The following ADK variants were observed in gnomAD, a reference collection of about 807,000 sequenced individuals.
ADK encodes the protein N6,N6-dimethyladenosine kinase.
Under a neutral mutation model 44.7 loss-of-function variants are expected in ADK, and 24 were observed. That is an observed-to-expected ratio of 0.54 (90% confidence interval 0.39 to 0.76). The LOEUF (loss-of-function observed/expected upper bound fraction) is 0.76. ADK is among the 30% of genes least tolerant of loss of function. The pLI, the probability that ADK is intolerant of heterozygous loss-of-function variation, is 0.00. For synonymous variants in ADK, 128 were observed against 142.6 expected (o/e 0.90, Z 0.73); for missense variants, 321 against 425.1 (o/e 0.76, Z 2.15).
intron 3 of ADK, among the ~76,000 whole-genome samples, chr10:74,299,535 A>G (rs1260373071): frequency 6.8e-6 from 1 of 147,500 alleles, no homozygotes; most frequent in East Asian, 1.9e-4. Flanking sequence ...TATATATAAA[A>G]TATATTAAAA....
intron 6 of ADK, among the ~76,000 whole-genome samples, chr10:74,458,438 C>G (rs896418466): frequency 6.6e-6 from 1 of 151,520 alleles, no homozygotes; most frequent in African/African-American, 2.4e-5. Flanking sequence ...TGTGCCTGAC[C>G]CAGTGAAACA....
Position 74,394,220 on chromosome 10 carries a change from G to A in ADK, c.353G>A (p.Arg118Lys), listed in dbSNP as rs202116787. The change falls in exon 5 of 11, where the codon AGA becomes AAA. Residue 118 changes from arginine (R) to lysine (K), a missense_variant. Transcript: ENST00000539909. ...GATAAATTTGGGGAGATCCTGAAGAGAAAAGCTGCTGAAGCCCATGTGGAT... is the reference window on the plus strand; with the variant it reads ...GATAAATTTGGGGAGATCCTGAAGAAAAAAGCTGCTGAAGCCCATGTGGAT... Reference protein sequence around the residue: ...GIDKFGEILKRKAAEAHVDAH... With the variant: ...GIDKFGEILKKKAAEAHVDAH... 3.1e-6 allele frequency: 5 copies of A among 1,614,096 alleles called. No individual in the cohort carries two copies. In the East Asian group the frequency reaches 1.1e-4, roughly 36 times the overall value.
chr10:74,403,549 T>G (rs10824169), intron 6 of ADK, among the ~76,000 whole-genome samples: 98,151 of 151,990 alleles, frequency 0.65, 33,014 homozygotes, highest in Middle Eastern at 0.8. Context: ...CTCCGAGCCA[T>G]GCGTGGGATA....
At chr10:74,296,578 A>G (rs1839822948) in intron 3 of ADK, among the ~76,000 whole-genome samples, 1 of 151,866 alleles carries the variant, frequency 6.6e-6, no homozygotes. Flanking sequence ...GGAGAAGTTT[A>G]CATTATTTAT....
intron 3 of ADK, among the ~76,000 whole-genome samples, chr10:74,240,584 AT>A (rs773400476): frequency 8.5e-5 from 13 of 152,252 alleles, no homozygotes; most frequent in Admixed American, 3.9e-4. Context: ...ATTAGCAAAT[AT>A]TTTTTAGAGG....
At chr10:74,208,864 G>A (rs1171247371) in intron 2 of ADK, among the ~76,000 whole-genome samples, 1 of 152,012 alleles carries the variant, frequency 6.6e-6, no homozygotes, top group African/African-American at 2.4e-5. Context: ...AGCTTCCCGA[G>A]TAGCTGGAAC....
chr10:74,691,223 T>C (rs536462545), intron 10 of ADK, among the ~76,000 whole-genome samples: 29 of 152,214 alleles, frequency 1.9e-4, no homozygotes, highest in Non-Finnish European at 3.7e-4. Flanking sequence ...AATAAACAAA[T>C]AATTGAAAAA....
chr10:74,434,626 A>G (rs564057155), intron 6 of ADK, among the ~76,000 whole-genome samples: 1 of 152,210 alleles, frequency 6.6e-6, no homozygotes, highest in Non-Finnish European at 1.5e-5. Flanking sequence ...TATAAAGGTT[A>G]AAGCAGAGGG....
At chr10:74,687,245 T>C (rs934752542) in intron 10 of ADK, among the ~76,000 whole-genome samples, 11 of 152,332 alleles carry the variant, frequency 7.2e-5, no homozygotes, top group Admixed American at 5.9e-4. Flanking sequence ...CAGCAGCAGA[T>C]ACTGGATCTT....
At chr10:74,417,120 T>C (rs1275265033) in intron 6 of ADK, among the ~76,000 whole-genome samples, 1 of 152,122 alleles carries the variant, frequency 6.6e-6, no homozygotes, top group African/African-American at 2.4e-5. Context: ...ACTTTTCTCA[T>C]TGTAAATATG....
At chr10:74,207,895 G>T (rs1343613882) in intron 2 of ADK, among the ~76,000 whole-genome samples, 1 of 152,188 alleles carries the variant, frequency 6.6e-6, no homozygotes, top group South Asian at 2.1e-4. Context: ...GTTGTCCACA[G>T]TGTGCAGGCT....
chr10:74,665,254 A>G (rs562451779), intron 9 of ADK, among the ~76,000 whole-genome samples: 4 of 152,234 alleles, frequency 2.6e-5, no homozygotes, highest in African/African-American at 9.6e-5. Flanking sequence ...AGAAACAAAC[A>G]AAAACATTTT....
chr10:74,466,967 A>G (rs954693720), intron 6 of ADK, among the ~76,000 whole-genome samples: 1 of 152,168 alleles, frequency 6.6e-6, no homozygotes, highest in African/African-American at 2.4e-5. Context: ...ATGATGATAA[A>G]TTAATGTATA....
chr10:74,678,143 CAA>C (rs35650817), intron 10 of ADK, among the ~76,000 whole-genome samples: 20 of 59,170 alleles, frequency 3.4e-4, no homozygotes, highest in Admixed American at 3.6e-4. Flanking sequence ...CCTGTCTCTA[CAA>C]AAAAAAAAAA....
intron 6 of ADK, among the ~76,000 whole-genome samples, chr10:74,478,831 A>C (rs1223910644): frequency 6.6e-6 from 1 of 152,124 alleles, no homozygotes; most frequent in East Asian, 1.9e-4. Context: ...CATCCTTATA[A>C]GTACTTTGAT....
intron 3 of ADK, among the ~76,000 whole-genome samples, chr10:74,288,013 A>T (rs942028371): frequency 1.3e-5 from 2 of 151,712 alleles, no homozygotes; most frequent in Admixed American, 6.6e-5. Flanking sequence ...AGAAAAAAAA[A>T]TTTTTAAGTA....
Position 74,666,061 on chromosome 10 carries a change from A to G in ADK, c.878-4122A>G, listed in dbSNP as rs527414372. 2.1e-3 allele frequency among the ~76,000 whole-genome samples: 316 copies of G among 152,328 alleles called. 1 individual carries two copies. The highest frequency in any genetic ancestry group is 7.1e-3 in the African/African-American group (295 of 41,580). On this transcript the variant is annotated intron_variant, in intron 9 of 10. Transcript: ENST00000539909. The stretch of plus-strand genomic sequence containing the variant: ...CTGCAGAAACATTTAATTGTTTGGC[A>G]TTGAGTAACTGGATTTGTATTATTG...
At chr10:74,441,538 T>C (rs1479104167) in intron 6 of ADK, among the ~76,000 whole-genome samples, 2 of 152,190 alleles carry the variant, frequency 1.3e-5, no homozygotes, top group African/African-American at 4.8e-5. Flanking sequence ...TAGATTGTTA[T>C]TTTACATGAG....
chr10:74,214,183 A>G (rs1311252388), intron 2 of ADK, among the ~76,000 whole-genome samples: 2 of 152,060 alleles, frequency 1.3e-5, no homozygotes, highest in East Asian at 1.9e-4. Context: ...CTCTTAATCT[A>G]TTTCTTTATA....
Sources: allele counts gnomAD v4.1 joint callset (sites outside exome capture counted in the v4.1 genomes callset), GRCh38; gene constraint gnomAD v4.1.1; transcripts MANE v1.5; gene names NCBI Gene and HGNC (gene_info 2026-07-23, HGNC 2026-07-21).